Variants in MGAT4C observed in about 807,000 individuals in gnomAD.
MGAT4C encodes the protein MGAT4 family member C.
A neutral mutation model predicts 40.1 loss-of-function variants in MGAT4C; 19 were observed. That is an observed-to-expected ratio of 0.47 (90% CI 0.33 to 0.70). MGAT4C has a LOEUF of 0.70. MGAT4C is among the 30% of genes least tolerant of loss of function. The pLI is 0.02. For missense variants in MGAT4C, 491 were observed against 563.2 expected (o/e 0.87, Z 1.30); for synonymous variants, 181 against 187.1 (o/e 0.97, Z 0.27).
At chr12:86,151,602 A>G (rs1884292928) in intron 1 of MGAT4C, among the ~76,000 whole-genome samples, 1 of 121,792 alleles carries the variant, frequency 8.2e-6, no homozygotes, top group African/African-American at 4.5e-5. Flanking sequence ...TCTCAAAAAG[A>G]AAAAAAAAAA....
At chr12:86,103,775 C>T (rs1329275205) in intron 1 of MGAT4C, among the ~76,000 whole-genome samples, 1 of 152,152 alleles carries the variant, frequency 6.6e-6, no homozygotes, top group Admixed American at 6.5e-5. Context: ...CTCGCTCATG[C>T]AGCCATAGTC....
Position 86,666,755 on chromosome 12 carries a change from G to A in MGAT4C, c.-229+60454C>T, listed in dbSNP as rs530051030. 2.6e-4 allele frequency among the ~76,000 whole-genome samples: 40 copies of A among 152,246 alleles called. No individual in the cohort carries two copies. In the South Asian group the frequency reaches 8.3e-3, roughly 32 times the overall value. The stretch of plus-strand genomic sequence containing the variant: ...TGAGGTATTATGAGTTTAGCACACC[G>A]ACCAATCTTTCTGACATACTTCAAA... On this transcript the variant is annotated intron_variant, in intron 2 of 7. Coordinates refer to the MGAT4C transcript ENST00000548651.
At chr12:86,463,825 C>G (rs745813929) in intron 2 of MGAT4C, among the ~76,000 whole-genome samples, 1 of 152,032 alleles carries the variant, frequency 6.6e-6, no homozygotes. Context: ...TTCCTTATAT[C>G]CATTTCTACT....
intron 2 of MGAT4C, among the ~76,000 whole-genome samples, chr12:86,708,823 C>T (rs755595997): frequency 6.6e-6 from 1 of 152,192 alleles, no homozygotes. Flanking sequence ...TTTAGAATGG[C>T]TGTGTTTCCC....
chr12:86,030,785 A>T (rs1890692233), intron 2 of MGAT4C, among the ~76,000 whole-genome samples: 1 of 151,814 alleles, frequency 6.6e-6, no homozygotes, highest in Non-Finnish European at 1.5e-5. Context: ...AAATGTAAAG[A>T]TTATTAGTTC....
intron 3 of MGAT4C, among the ~76,000 whole-genome samples, chr12:86,365,239 G>A (rs184536183): frequency 2.2e-4 from 34 of 152,206 alleles, no homozygotes; most frequent in South Asian, 1.7e-3. Flanking sequence ...GCTCTGTTCC[G>A]CCCGGCTCAC....
chr12:86,110,882 GTAC>G (rs1237498707), intron 1 of MGAT4C, among the ~76,000 whole-genome samples: 1 of 151,576 alleles, frequency 6.6e-6, no homozygotes, highest in Non-Finnish European at 1.5e-5. Flanking sequence ...GCCGTTATAT[GTAC>G]TACTGTGAAT....
chr12:85,995,521 G>C (rs1886509798), intron 2 of MGAT4C, among the ~76,000 whole-genome samples: 1 of 152,068 alleles, frequency 6.6e-6, no homozygotes, highest in Non-Finnish European at 1.5e-5. Context: ...CCAAGTTTGT[G>C]CGTCCATCAG....
chr12:86,678,941 A>G (rs1949922652), intron 2 of MGAT4C, among the ~76,000 whole-genome samples: 1 of 152,104 alleles, frequency 6.6e-6, no homozygotes, highest in Non-Finnish European at 1.5e-5. Flanking sequence ...TTGGGTATAT[A>G]CCCAGTAATG....
intron 1 of MGAT4C, among the ~76,000 whole-genome samples, chr12:86,169,294 C>A (rs1409360895): frequency 6.6e-6 from 1 of 152,114 alleles, no homozygotes; most frequent in Non-Finnish European, 1.5e-5. Flanking sequence ...CCTTGCCAGA[C>A]TTCTAGCTCA....
chr12:86,668,387 T>C (rs1964168380), intron 2 of MGAT4C, among the ~76,000 whole-genome samples: 1 of 152,134 alleles, frequency 6.6e-6, no homozygotes, highest in Non-Finnish European at 1.5e-5. Context: ...CATCCCCCTG[T>C]GATTCACCTT....
chr12:86,654,242 T>A (rs533096482), intron 2 of MGAT4C, among the ~76,000 whole-genome samples: 1 of 152,056 alleles, frequency 6.6e-6, no homozygotes, highest in Non-Finnish European at 1.5e-5. Flanking sequence ...ACTGATTGCA[T>A]CAGACAAGGA....
chr12:86,603,526 T>TATATATAGTCTATAGACTATAGATA (rs1435816466), intron 2 of MGAT4C, among the ~76,000 whole-genome samples: 4 of 22,314 alleles, frequency 1.8e-4, no homozygotes, highest in Non-Finnish European at 3.8e-4. Flanking sequence ...GTCTATAGAC[T>TATATATAGTCTATAGACTATAGATA]ATATATAGTC....
intron 2 of MGAT4C, among the ~76,000 whole-genome samples, chr12:86,468,102 A>T (rs1957707314): frequency 6.6e-6 from 1 of 152,034 alleles, no homozygotes; most frequent in African/African-American, 2.4e-5. Context: ...CTTTAACTCA[A>T]AATTCATATG....
chr12:86,148,443 A>T (rs1443974713), intron 1 of MGAT4C, among the ~76,000 whole-genome samples: 1 of 152,216 alleles, frequency 6.6e-6, no homozygotes, highest in Non-Finnish European at 1.5e-5. Context: ...GGCCACTTGC[A>T]TTCTCAGAGA....
chr12:86,763,992 G>C (rs957789900), intron 1 of MGAT4C, among the ~76,000 whole-genome samples: 3 of 152,148 alleles, frequency 2.0e-5, no homozygotes, highest in Non-Finnish European at 2.9e-5. Flanking sequence ...CATATCACTA[G>C]GGAGTGCCAG....
intron 2 of MGAT4C, chr12:86,002,440 C>T (rs1565842041): frequency 6.6e-6 from 1 of 151,990 alleles, no homozygotes; most frequent in Non-Finnish European, 1.5e-5. Context: ...AGAAGGTAAC[C>T]TTAACTTGTT....
At chr12:86,314,282 C>T (rs572699202) in intron 4 of MGAT4C, among the ~76,000 whole-genome samples, 7 of 152,148 alleles carry the variant, frequency 4.6e-5, no homozygotes, top group South Asian at 4.1e-4. Context: ...ATAGGCTGGG[C>T]GCGGTGGCTC....
chr12:86,239,405 C>T (rs981265737), intron 1 of MGAT4C, among the ~76,000 whole-genome samples: 1 of 150,644 alleles, frequency 6.6e-6, no homozygotes, highest in Non-Finnish European at 1.5e-5. Flanking sequence ...AAGCCACAGC[C>T]ATCTCTCTCT....
Sources: allele counts gnomAD v4.1 joint callset (sites outside exome capture counted in the v4.1 genomes callset), GRCh38; gene constraint gnomAD v4.1.1; transcripts MANE v1.5; gene names NCBI Gene and HGNC (gene_info 2026-07-23, HGNC 2026-07-21).